The following LUZP2 variants were observed in gnomAD, a reference collection of about 807,000 sequenced individuals.
LUZP2 encodes leucine zipper protein 2.
In LUZP2, 52 loss-of-function variants were observed where a neutral mutation model predicts 51.6. The observed-to-expected ratio is 1.01, with a 90% CI of 0.81 to 1.27. The LOEUF (loss-of-function observed/expected upper bound fraction) is 1.27, where lower values mean the gene tolerates loss of function less well. LUZP2 is among the 50% of genes most tolerant of loss of function. The pLI is 0.00. For synonymous variants in LUZP2, 154 were observed against 137.3 expected, an observed-to-expected ratio of 1.12 and a Z score of -0.85; for missense variants, 436 against 395.4, an observed-to-expected ratio of 1.10 and a Z score of -0.87.
chr11:24,557,397 A>C (rs1327013942), intron 1 of LUZP2, among the ~76,000 whole-genome samples: 1 of 152,178 alleles, frequency 6.6e-6, no homozygotes, highest in Non-Finnish European at 1.5e-5. Context: ...GTTTTGAGTA[A>C]AATTATTGCC....
At chr11:25,063,728 T>A (rs370261004) in intron 10 of LUZP2, among the ~76,000 whole-genome samples, 20 of 151,820 alleles carry the variant, frequency 1.3e-4, no homozygotes, top group African/African-American at 4.3e-4. Flanking sequence ...CACCATTTGT[T>A]AAATACATAA....
At chr11:24,653,375 T>C (rs979808953) in intron 1 of LUZP2, among the ~76,000 whole-genome samples, 1 of 152,154 alleles carries the variant, frequency 6.6e-6, no homozygotes, top group East Asian at 1.9e-4. Flanking sequence ...GTTTTCATTA[T>C]ACCCCCAAAA....
chr11:24,897,041 T>C (rs1038750584), intron 5 of LUZP2, among the ~76,000 whole-genome samples: 7 of 152,068 alleles, frequency 4.6e-5, no homozygotes, highest in Non-Finnish European at 5.9e-5. Flanking sequence ...TGTGTCTAGC[T>C]CAAGATTTGT....
chr11:24,881,948 G>A (rs1250616427), intron 5 of LUZP2, among the ~76,000 whole-genome samples: 1 of 151,700 alleles, frequency 6.6e-6, no homozygotes, highest in African/African-American at 2.4e-5. Context: ...ACAACAAAGT[G>A]AATATTCATG....
At position 24,720,697 on chromosome 11, in the gene LUZP2, G is replaced by GT. The variant is rs1554979901; in HGVS notation, c.63-8469dup. Reference sequence around the variant, plus strand: ...CAAATTCAGACCTGTTCTTTTGTTTGTTTGTTTTGTTTTGTTTTGTTTTGA... The same window carrying GT: ...CAAATTCAGACCTGTTCTTTTGTTTGTTTTGTTTTGTTTTGTTTTGTTTTGA... On this transcript the variant is annotated intron_variant, in intron 1 of 11. Transcript: ENST00000336930. 2.3e-3 allele frequency among the ~76,000 whole-genome samples: 348 copies of GT among 152,016 alleles called. 2 individuals carry two copies. The highest frequency in any genetic ancestry group is 0.01 in the Middle Eastern group (3 of 294).
At chr11:24,663,398 C>G (rs1278078272) in intron 1 of LUZP2, among the ~76,000 whole-genome samples, 3 of 152,106 alleles carry the variant, frequency 2.0e-5, no homozygotes. Flanking sequence ...CTGAGGCATC[C>G]CAACCATGCT....
At chr11:24,881,568 T>G (rs1852470979) in intron 5 of LUZP2, among the ~76,000 whole-genome samples, 1 of 152,042 alleles carries the variant, frequency 6.6e-6, no homozygotes, top group Admixed American at 6.6e-5. Flanking sequence ...TTCTGATTAC[T>G]CAAATATTCA....
At chr11:24,723,511 A>G (rs1024907443) in intron 1 of LUZP2, among the ~76,000 whole-genome samples, 5 of 152,166 alleles carry the variant, frequency 3.3e-5, no homozygotes, top group African/African-American at 1.2e-4. Flanking sequence ...GTTATTCACC[A>G]CTACACTATG....
chr11:24,860,413 C>T (rs551076002), intron 5 of LUZP2, among the ~76,000 whole-genome samples: 2 of 152,190 alleles, frequency 1.3e-5, no homozygotes, highest in South Asian at 4.1e-4. Context: ...GGTTTTCCCC[C>T]CAGTGAAGCA....
chr11:24,859,080 G>A (rs1422832770), intron 5 of LUZP2, among the ~76,000 whole-genome samples: 1 of 152,020 alleles, frequency 6.6e-6, no homozygotes, highest in Admixed American at 6.6e-5. Flanking sequence ...CATGGCTGAG[G>A]CACTCATAAC....
chr11:24,593,601 A>G (rs1853329604), intron 1 of LUZP2, among the ~76,000 whole-genome samples: 1 of 152,006 alleles, frequency 6.6e-6, no homozygotes, highest in African/African-American at 2.4e-5. Context: ...TGTCCTGGCA[A>G]CCCTCACAGT....
chr11:24,966,116 CATG>C (rs1855574074), intron 7 of LUZP2, among the ~76,000 whole-genome samples: 1 of 151,732 alleles, frequency 6.6e-6, no homozygotes, highest in African/African-American at 2.4e-5. Flanking sequence ...AACATATTCT[CATG>C]AGCATTTTTG....
At chr11:24,574,394 A>ATCTC (rs139446364) in intron 1 of LUZP2, among the ~76,000 whole-genome samples, 1,524 of 138,870 alleles carry the variant, frequency 0.011, 29 homozygotes, top group African/African-American at 0.04. Context: ...TCTTTCTTTC[A>ATCTC]TCTCTCTCTC....
At chr11:24,523,973 A>C (rs1850722423) in intron 1 of LUZP2, among the ~76,000 whole-genome samples, 1 of 151,712 alleles carries the variant, frequency 6.6e-6, no homozygotes, top group Non-Finnish European at 1.5e-5. Flanking sequence ...GGGCAGTGAA[A>C]AGTTGAATTG....
chr11:24,646,036 G>A (rs1324240214), intron 1 of LUZP2, among the ~76,000 whole-genome samples: 1 of 152,016 alleles, frequency 6.6e-6, no homozygotes, highest in African/African-American at 2.4e-5. Context: ...CATGAGTTGT[G>A]TGGTCTTAGG....
intron 1 of LUZP2, among the ~76,000 whole-genome samples, chr11:24,500,988 A>G (rs1454689209): frequency 1.3e-5 from 2 of 152,210 alleles, no homozygotes; most frequent in Non-Finnish European, 2.9e-5. Flanking sequence ...CAATGAGAAC[A>G]CACAAAAAAT....
intron 1 of LUZP2, among the ~76,000 whole-genome samples, chr11:24,648,808 T>C (rs1435067541): frequency 6.6e-6 from 1 of 151,996 alleles, no homozygotes; most frequent in Non-Finnish European, 1.5e-5. Context: ...CAGGAAATAT[T>C]CCACAATTTA....
intron 1 of LUZP2, 56 bp downstream of exon 1, chr11:24,497,361 G>A: frequency 1.5e-6 from 2 of 1,369,916 alleles, no homozygotes; most frequent in South Asian, 3.2e-5. Context: ...GGCGAGGTTG[G>A]TCCTACTGTG....
In LUZP2 at chr11:25,079,922, G is replaced by T. The variant is rs1006722367; in HGVS notation, c.*1264G>T. 1 of 152,054 alleles carries T rather than the reference G, an allele frequency of 6.6e-6. No individual in the cohort carries two copies. Among genetic ancestry groups the T allele is most frequent in the African/African-American group, 2.4e-5 (1 of 41,394 alleles). The allele number at this position is 152,054 out of a possible 1,614,324, so 9.4% of individuals were successfully genotyped here. A position where few individuals can be genotyped will look rare whatever the true frequency, so the allele number is the denominator to read the frequency against. On this transcript the variant is annotated 3_prime_UTR_variant, in exon 12 of 12. Transcript: ENST00000336930. ...AGACAGTTAATAAAAATGTATTAAA[G>T]GAAATCTTTAATCAATAAATGAACT...
Sources: gnomAD v4.1 joint callset for allele counts (sites outside exome capture counted in the v4.1 genomes callset) on GRCh38, gnomAD v4.1.1 for gene constraint, MANE v1.5 for transcripts, NCBI Gene and HGNC (gene_info 2026-07-23, HGNC 2026-07-21) for gene names.